DNAH11: variants seen among roughly 807,000 people sequenced by gnomAD.
DNAH11 encodes the protein dynein axonemal heavy chain 11.
DNAH11 carries 442 observed loss-of-function variants against 526.0 expected under a neutral mutation model. The observed-to-expected ratio is 0.84, with a 90% confidence interval of 0.78 to 0.91. DNAH11 has a LOEUF of 0.91. Ranked by LOEUF, DNAH11 falls within the 40% of genes least tolerant of loss-of-function variation. The probability of loss-of-function intolerance (pLI) is 0.00; values close to 1 mark genes in which losing one functional copy is unlikely to be tolerated. For synonymous variants in DNAH11, 2,461 were observed against 1,935.9 expected (o/e 1.27, Z -7.12); for missense variants, 6,989 against 5,448.7 (o/e 1.28, Z -8.90).
intron 14 of DNAH11, among the ~76,000 whole-genome samples, chr7:21,599,001 G>A (rs1204594323): frequency 6.6e-6 from 1 of 152,156 alleles, no homozygotes; most frequent in Non-Finnish European, 1.5e-5. Context: ...TAGGCACTTA[G>A]GTTGATTCCA....
chr7:21,713,654 C>A (rs1784543706), intron 42 of DNAH11, among the ~76,000 whole-genome samples: 3 of 152,064 alleles, frequency 2.0e-5, no homozygotes, highest in African/African-American at 7.2e-5. Flanking sequence ...CCCTTGTTAT[C>A]CTGATTTAGG....
At position 21,808,087 on chromosome 7, in the gene DNAH11, A is replaced by G. The variant is rs138261509; in HGVS notation, c.10332+38A>G. ...CCTTACCTTGTCAGCAGGTAGAAAG[A>G]TCACATTGAAATTTCAGTAGTAAAA... is the stretch of plus-strand genomic sequence containing the variant. On this transcript the variant is annotated intron_variant, in intron 63 of 81. Coordinates refer to ENST00000409508, the MANE Select transcript of DNAH11 (RefSeq NM_001277115.2). 1,252 of 1,357,602 alleles carry G rather than the reference A, an allele frequency of 9.2e-4. 12 individuals are homozygous for G. In the African/African-American group the frequency reaches 0.016, roughly 18 times the overall value. The allele number at this position is 1,357,602 out of a possible 1,614,324, so 84.1% of individuals were successfully genotyped here. A position where few individuals can be genotyped will look rare whatever the true frequency, so the allele number is the denominator to read the frequency against.
At chr7:21,876,910 C>G (rs1216469388) in intron 74 of DNAH11, among the ~76,000 whole-genome samples, 3 of 152,220 alleles carry the variant, frequency 2.0e-5, no homozygotes, top group African/African-American at 7.2e-5. Context: ...TTATCTTAAG[C>G]AACCATATGC....
Position 21,589,264 on chromosome 7 carries a change from C to T in DNAH11, c.2030C>T (p.Thr677Ile), listed in dbSNP as rs757805264. 2 of 1,610,330 alleles carry T rather than the reference C, an allele frequency of 1.2e-6. No homozygotes were observed. The highest frequency in any genetic ancestry group is 1.7e-6 in the Non-Finnish European group (2 of 1,178,826). Residue 677 changes from threonine (T) to isoleucine (I), a missense_variant, in exon 12 of 82, where the codon ACT becomes ATT. By Grantham distance (89) the Thr-to-Ile change is moderately conservative. Coordinates refer to ENST00000409508, the MANE Select transcript of DNAH11 (RefSeq NM_001277115.2). ...TATCAAAAGTATGTTGAAATGACCA[C>T]TTTGCTTGATCAATTTGAAAGTCGT... ...LVYQKYVEMT[T>I]LLDQFESRIY...
At chr7:21,743,077 C>G (rs533096457) in intron 49 of DNAH11, among the ~76,000 whole-genome samples, 13 of 152,290 alleles carry the variant, frequency 8.5e-5, no homozygotes, top group South Asian at 6.2e-4. Context: ...TCCTAAAGGC[C>G]TCACCTCTTA....
intron 65 of DNAH11, among the ~76,000 whole-genome samples, chr7:21,821,094 T>C (rs1790031882): frequency 6.6e-6 from 1 of 152,070 alleles, no homozygotes; most frequent in Admixed American, 6.6e-5. Flanking sequence ...TAATTGGATA[T>C]TATGGTGGGG....
chr7:21,635,425 G>A (rs1329679852), intron 25 of DNAH11, among the ~76,000 whole-genome samples: 1 of 152,084 alleles, frequency 6.6e-6, no homozygotes, highest in Non-Finnish European at 1.5e-5. Context: ...CAAAGTGCTG[G>A]GATTACAGGC....
At chr7:21,690,402 C>G (rs1783565565) in intron 34 of DNAH11, among the ~76,000 whole-genome samples, 1 of 152,208 alleles carries the variant, frequency 6.6e-6, no homozygotes, top group Non-Finnish European at 1.5e-5. Context: ...TGGGCATTCT[C>G]TGTCTATGCA....
intron 20 of DNAH11, among the ~76,000 whole-genome samples, chr7:21,611,137 G>A (rs2128450725): frequency 6.6e-6 from 1 of 152,292 alleles, no homozygotes; most frequent in Non-Finnish European, 1.5e-5. Context: ...CCAATTGGCT[G>A]GGGGCCCAGA....
At chr7:21,649,623 C>G (rs1345540642) in intron 28 of DNAH11, among the ~76,000 whole-genome samples, 1 of 151,202 alleles carries the variant, frequency 6.6e-6, no homozygotes, top group Non-Finnish European at 1.5e-5. Context: ...TGGCATGCAC[C>G]ATGAGGAGTC....
intron 79 of DNAH11, among the ~76,000 whole-genome samples, chr7:21,897,242 C>G (rs553982844): frequency 2.8e-4 from 43 of 152,188 alleles, no homozygotes; most frequent in African/African-American, 9.2e-4. Context: ...TTCTTCAAGA[C>G]TTCTCTATTT....
intron 25 of DNAH11, among the ~76,000 whole-genome samples, chr7:21,633,333 C>G (rs913578679): frequency 2.0e-5 from 3 of 152,184 alleles, no homozygotes; most frequent in Non-Finnish European, 4.4e-5. Context: ...TCTATTTGGT[C>G]TAAGGTGTTC....
chr7:21,761,155 C>T (rs1337972564), intron 54 of DNAH11, among the ~76,000 whole-genome samples: 2 of 152,086 alleles, frequency 1.3e-5, no homozygotes, highest in Non-Finnish European at 2.9e-5. Context: ...CCATGGGTTT[C>T]TGGAAAAATC....
intron 65 of DNAH11, among the ~76,000 whole-genome samples, chr7:21,818,882 A>C (rs766197008): frequency 6.6e-6 from 1 of 152,132 alleles, no homozygotes; most frequent in African/African-American, 2.4e-5. Context: ...CAACAGAGAA[A>C]TACTTCCCCC....
At position 21,744,442 on chromosome 7, in the gene DNAH11, T is replaced by C; in HGVS notation, c.8159T>C (p.Ile2720Thr). The C allele has an allele frequency of 1.2e-6, 2 of 1,613,478 alleles. No individual in the cohort carries two copies. The highest frequency in any genetic ancestry group is 2.2e-5 in the South Asian group (2 of 90,872). ...LRDLSNVFQG[I>T]LFASPECLKG... ...TTCCCCATTCTTGCCTTGTAGGGGA[T>C]TTTATTTGCTTCTCCTGAGTGTTTA... Residue 2720 changes from isoleucine to threonine, a missense_variant, in exon 50 of 82, where the codon ATT becomes ACT. By Grantham distance (89) the Ile-to-Thr change is moderately conservative (BLOSUM62 -1). Coordinates refer to ENST00000409508, the MANE Select transcript of DNAH11 (RefSeq NM_001277115.2).
At chr7:21,851,258 G>A (rs575219703) in intron 66 of DNAH11, 22 of 238,178 alleles carry the variant, frequency 9.2e-5, no homozygotes, top group Non-Finnish European at 1.5e-4. Flanking sequence ...CCCCTTTGCT[G>A]GGCACTTCTC....
intron 28 of DNAH11, among the ~76,000 whole-genome samples, chr7:21,647,558 T>G (rs1367710655): frequency 6.6e-6 from 1 of 151,266 alleles, no homozygotes; most frequent in African/African-American, 2.4e-5. Flanking sequence ...GCCTCCTGAG[T>G]AGCTAGGACT....
chr7:21,743,651 G>A lies in DNAH11; in HGVS notation c.8155-787G>A, dbSNP rs987125289. On this transcript the variant is annotated intron_variant, in intron 49 of 81. Transcript: ENST00000409508. ...TTATGAACACGGAGCAATTCTTTTC[G>A]TGTCTGTGTATCTAGCTCCTGCCAG... Among the ~76,000 whole-genome samples the A allele has an allele frequency of 4.6e-5, 7 of 152,106 alleles. No homozygotes were observed. In the South Asian group the frequency reaches 6.2e-4, roughly 14 times the overall value.
chr7:21,546,500 CT>C (rs1782810845), intron 2 of DNAH11, among the ~76,000 whole-genome samples: 1 of 152,188 alleles, frequency 6.6e-6, no homozygotes, highest in Non-Finnish European at 1.5e-5. Flanking sequence ...CTGTGAAATT[CT>C]TGCTCTACTA....
Sources: allele counts gnomAD v4.1 joint callset (sites outside exome capture counted in the v4.1 genomes callset), GRCh38; gene constraint gnomAD v4.1.1; transcripts MANE v1.5; gene names NCBI Gene and HGNC (gene_info 2026-07-23, HGNC 2026-07-21).